CCND3: variants seen among roughly 807,000 people sequenced by gnomAD.
CCND3 encodes the protein cyclin D3, also known as G1/S-specific cyclin-D3.
Under a neutral mutation model 28.7 loss-of-function variants are expected in CCND3, and 9 were observed. The ratio of observed to expected loss-of-function variants is 0.31; its 90% CI spans 0.19 to 0.55. The LOEUF (loss-of-function observed/expected upper bound fraction) is 0.55. CCND3 is among the 20% of genes least tolerant of loss of function. CCND3 has a pLI of 0.93. For synonymous variants in CCND3, 164 were observed against 163.9 expected, an observed-to-expected ratio of 1.00 and a Z score of 0.00; for missense variants, 315 against 385.8, an observed-to-expected ratio of 0.82 and a Z score of 1.54.
chr6:42,000,233 A>ATTTTTTTT (rs1561980601), intron 1 of CCND3, among the ~76,000 whole-genome samples: 9 of 31,234 alleles, frequency 2.9e-4, no homozygotes, highest in Admixed American at 5.1e-4. Flanking sequence ...TTGAAAACAT[A>ATTTTTTTT]CTTTTTTTTT....
intron 1 of CCND3, among the ~76,000 whole-genome samples, chr6:41,947,704 A>C (rs1276178073): frequency 6.6e-6 from 1 of 151,872 alleles, no homozygotes; most frequent in Non-Finnish European, 1.5e-5. Context: ...CCTGCGACCC[A>C]CTTCTGGTTG....
intron 1 of CCND3, among the ~76,000 whole-genome samples, chr6:42,005,010 T>G (rs1763136422): frequency 6.6e-6 from 1 of 152,184 alleles, no homozygotes; most frequent in African/African-American, 2.4e-5. Context: ...TATGTTGACT[T>G]TCATAGGTAT....
intron 1 of CCND3, among the ~76,000 whole-genome samples, chr6:42,014,161 C>G (rs1271515354): frequency 6.6e-6 from 1 of 150,726 alleles, no homozygotes; most frequent in Non-Finnish European, 1.5e-5. Context: ...GTCAGGAGAT[C>G]GAGACCATCC....
chr6:42,027,817 A>T (rs1229918245), intron 1 of CCND3, among the ~76,000 whole-genome samples: 1 of 151,696 alleles, frequency 6.6e-6, no homozygotes, highest in Non-Finnish European at 1.5e-5. Context: ...GCTCAATCTC[A>T]GCTCACGGCA....
At chr6:41,955,350 T>G (rs779163976) in intron 1 of CCND3, among the ~76,000 whole-genome samples, 20 of 152,134 alleles carry the variant, frequency 1.3e-4, no homozygotes, top group Non-Finnish European at 2.8e-4. Context: ...GGTAATATGT[T>G]GTGATTAAGT....
intron 1 of CCND3, among the ~76,000 whole-genome samples, chr6:41,990,503 A>G (rs993784492): frequency 6.6e-6 from 1 of 152,178 alleles, no homozygotes; most frequent in Non-Finnish European, 1.5e-5. Context: ...TCCTGAGCAA[A>G]AAGAACAAAG....
At chr6:42,026,270 C>G (rs1331202943) in intron 1 of CCND3, among the ~76,000 whole-genome samples, 1 of 151,986 alleles carries the variant, frequency 6.6e-6, no homozygotes, top group Non-Finnish European at 1.5e-5. Context: ...AGCACAGACC[C>G]TCTCCCCCCG....
intron 2 of CCND3, 89 bp downstream of exon 2, chr6:41,940,281 G>T: frequency 8.5e-7 from 1 of 1,176,428 alleles, no homozygotes; most frequent in Admixed American, 1.7e-5. Flanking sequence ...CTCTCCAGGG[G>T]GCAGAAAGCC....
chr6:42,034,264 C>T (rs941172426), intron 1 of CCND3, among the ~76,000 whole-genome samples: 1 of 150,768 alleles, frequency 6.6e-6, no homozygotes, highest in African/African-American at 2.4e-5. Flanking sequence ...TCTCCTGTCT[C>T]AGCCTCCCTA....
chr6:41,986,162 G>A (rs1223761361), intron 1 of CCND3, among the ~76,000 whole-genome samples: 1 of 152,016 alleles, frequency 6.6e-6, no homozygotes, highest in Non-Finnish European at 1.5e-5. Context: ...CCAGTACCAT[G>A]CTATTTTGAT....
intron 1 of CCND3, among the ~76,000 whole-genome samples, chr6:42,039,544 TACGCTCTCAGCTGCTGGCCTA>T (rs1454961006): frequency 1.3e-5 from 2 of 152,156 alleles, no homozygotes; most frequent in Non-Finnish European, 2.9e-5. Context: ...CCTCCAGACT[TACGCTCTCAGCTGCTGGCCTA>T]ATCGCACACT....
chr6:41,968,611 G>GA (rs984380372), intron 1 of CCND3, among the ~76,000 whole-genome samples: 6 of 151,764 alleles, frequency 4.0e-5, no homozygotes, highest in Non-Finnish European at 7.4e-5. Flanking sequence ...AAAGACATAG[G>GA]AAAAAAAGTA....
chr6:41,966,399 C>T (rs866897560), intron 1 of CCND3, among the ~76,000 whole-genome samples: 7 of 151,888 alleles, frequency 4.6e-5, no homozygotes, highest in South Asian at 4.2e-4. Flanking sequence ...CTAGCCTGGG[C>T]GACAGTGAAA....
At chr6:41,991,266 C>T (rs1446686793) in intron 1 of CCND3, among the ~76,000 whole-genome samples, 2 of 152,086 alleles carry the variant, frequency 1.3e-5, no homozygotes, top group Non-Finnish European at 2.9e-5. Flanking sequence ...ACCATGTTGG[C>T]CAGGCTGGTC....
upstream of CCND3, among the ~76,000 whole-genome samples, chr6:42,049,164 T>C (rs190848485): frequency 7.5e-4 from 114 of 152,176 alleles, no homozygotes; most frequent in Middle Eastern, 6.8e-3. Flanking sequence ...GCCTCCCGAG[T>C]AGCTAGGACT....
At chr6:42,039,505 T>G (rs1420355236) in intron 1 of CCND3, among the ~76,000 whole-genome samples, 1 of 151,998 alleles carries the variant, frequency 6.6e-6, no homozygotes, top group African/African-American at 2.4e-5. Context: ...AGGTGAGAGG[T>G]CCTGCACTAG....
intron 1 of CCND3, chr6:42,010,691 C>A (rs1230098182): frequency 6.6e-6 from 1 of 152,118 alleles, no homozygotes; most frequent in Non-Finnish European, 1.5e-5. Context: ...GAGCAACTGT[C>A]TTCTGTCACC....
At chr6:42,013,664 C>T (rs1259833958) in intron 1 of CCND3, among the ~76,000 whole-genome samples, 1 of 152,146 alleles carries the variant, frequency 6.6e-6, no homozygotes, top group Non-Finnish European at 1.5e-5. Context: ...AAACTTTGTT[C>T]TTGTTGAATT....
chr6:41,987,672 T>TC (rs1762529873), intron 1 of CCND3, among the ~76,000 whole-genome samples: 1 of 151,104 alleles, frequency 6.6e-6, no homozygotes, highest in Admixed American at 6.7e-5. Flanking sequence ...TCAGCTAATT[T>TC]TTTTTTTTTA....
Sources: allele counts gnomAD v4.1 joint callset (sites outside exome capture counted in the v4.1 genomes callset), GRCh38; gene constraint gnomAD v4.1.1; transcripts MANE v1.5; gene names NCBI Gene and HGNC (gene_info 2026-07-23, HGNC 2026-07-21).